The following SMPDL3A variants were observed in gnomAD, a reference collection of about 807,000 sequenced individuals.
SMPDL3A encodes sphingomyelin phosphodiesterase acid like 3A, also known as cyclic GMP-AMP phosphodiesterase SMPDL3A.
A neutral mutation model predicts 38.5 loss-of-function variants in SMPDL3A; 39 were observed. That is an observed-to-expected ratio of 1.01 (90% CI 0.78 to 1.32). The LOEUF is 1.32. SMPDL3A is among the 40% of genes most tolerant of loss of function. The probability of loss-of-function intolerance (pLI) is 0.00; values close to 1 mark genes in which losing one functional copy is unlikely to be tolerated. For missense variants in SMPDL3A, 502 were observed against 536.2 expected, an observed-to-expected ratio of 0.94 and a Z score of 0.63; for synonymous variants, 180 against 194.3, an observed-to-expected ratio of 0.93 and a Z score of 0.61.
chr6:122,796,776 CTCTTT>C, intron 2 of SMPDL3A, 43 bp from the exon 3 acceptor site: 1 of 1,556,872 alleles, frequency 6.4e-7, no homozygotes, highest in South Asian at 1.2e-5. Flanking sequence ...AGTCTAGTAA[CTCTTT>C]ATGAAACTGA....
intron 3 of SMPDL3A, among the ~76,000 whole-genome samples, chr6:122,797,565 C>A (rs1781292096): frequency 6.6e-6 from 1 of 152,142 alleles, no homozygotes; most frequent in Non-Finnish European, 1.5e-5. Flanking sequence ...TGAGAACCAA[C>A]CTGTGCATAA....
intron 1 of SMPDL3A, among the ~76,000 whole-genome samples, chr6:122,790,523 C>T (rs1781044703): frequency 6.6e-6 from 1 of 152,142 alleles, no homozygotes; most frequent in Non-Finnish European, 1.5e-5. Flanking sequence ...AGTGCTGAAA[C>T]CTCTTTCGCT....
intron 1 of SMPDL3A, among the ~76,000 whole-genome samples, chr6:122,794,906 C>G (rs1472775720): frequency 6.6e-6 from 1 of 152,182 alleles, no homozygotes. Context: ...GTTCTGCAGT[C>G]TACCTACTCA....
In SMPDL3A at chr6:122,806,369, G is replaced by C. The variant is rs1162265732; in HGVS notation, c.1044+12G>C. 1 of 1,598,150 alleles carries C rather than the reference G, an allele frequency of 6.3e-7. No individual in the cohort carries two copies. The highest frequency in any genetic ancestry group is 8.5e-7 in the Non-Finnish European group (1 of 1,170,610). ...ATTATAAATTATTGGTAAGTTGGCA[G>C]ATTTCAGAGCTGACCCCATATTTAT... is the stretch of plus-strand genomic sequence containing the variant. On this transcript the variant is annotated intron_variant, in intron 7 of 7. Coordinates refer to ENST00000368440, the MANE Select transcript of SMPDL3A (RefSeq NM_006714.5).
At chr6:122,791,965 T>C (rs1781092402) in intron 1 of SMPDL3A, among the ~76,000 whole-genome samples, 1 of 152,190 alleles carries the variant, frequency 6.6e-6, no homozygotes, top group African/African-American at 2.4e-5. Flanking sequence ...AGTGCTGGGA[T>C]TACAGGCATG....
chr6:122,803,982 TTC>T, intron 5 of SMPDL3A, 149 bp downstream of exon 5: 1 of 622,832 alleles, frequency 1.6e-6, no homozygotes, highest in Non-Finnish European at 2.6e-6. Context: ...TGGATTTTCT[TTC>T]TTTTTTTTTT....
At chr6:122,790,489 C>T (rs1302239005) in intron 1 of SMPDL3A, among the ~76,000 whole-genome samples, 1 of 152,120 alleles carries the variant, frequency 6.6e-6, no homozygotes, top group Admixed American at 6.5e-5. Flanking sequence ...GGAGAGTTGT[C>T]CCTGAGACTC....
Position 122,803,835 on chromosome 6 carries a change from T to C in SMPDL3A, c.738+2T>C, listed in dbSNP as rs1347407340. ...AACTCTCAGCAGAATAAGGAGAAGG[T>C]AGATCCCATAGACCAAAACCATCTG... On this transcript the variant is annotated splice_donor_variant, in intron 5 of 7. Transcript: ENST00000368440. LOFTEE classifies it high-confidence loss of function. 8 of 1,612,546 alleles carry C rather than the reference T, an allele frequency of 5.0e-6. No individual in the cohort carries two copies. The South Asian group carries it at 6.6e-5, about 13-fold the overall frequency.
chr6:122,803,858 C>T, intron 5 of SMPDL3A, 25 bp downstream of exon 5: 1 of 1,600,234 alleles, frequency 6.2e-7, no homozygotes, highest in Non-Finnish European at 8.5e-7. Flanking sequence ...CCAAAACCAT[C>T]TGGGAATAAA....
At chr6:122,795,964 A>G (rs1324628377) in intron 2 of SMPDL3A, 74 bp downstream of exon 2, 1 of 1,052,602 alleles carries the variant, frequency 9.5e-7, no homozygotes, top group East Asian at 2.4e-5. Flanking sequence ...AGAGTGCTGA[A>G]TTCCATAATA....
At chr6:122,791,958 G>A (rs887501250) in intron 1 of SMPDL3A, among the ~76,000 whole-genome samples, 15 of 152,296 alleles carry the variant, frequency 9.8e-5, no homozygotes, top group Admixed American at 8.5e-4. Context: ...CTCCCAAAGT[G>A]CTGGGATTAC....
At position 122,803,844 on chromosome 6, in the gene SMPDL3A, T is replaced by C. The variant is rs368369859; in HGVS notation, c.738+11T>C. On this transcript the variant is annotated intron_variant, in intron 5 of 7. Coordinates refer to ENST00000368440, the MANE Select transcript of SMPDL3A (RefSeq NM_006714.5). ...CAGAATAAGGAGAAGGTAGATCCCA[T>C]AGACCAAAACCATCTGGGAATAAAC... 17 of 1,611,564 alleles carry C rather than the reference T, an allele frequency of 1.1e-5. No homozygotes were observed. The East Asian group carries it at 2.9e-4, about 27-fold the overall frequency.
At chr6:122,789,526 C>T (rs1780991766) in intron 1 of SMPDL3A, 68 bp downstream of exon 1, 1 of 1,356,814 alleles carries the variant, frequency 7.4e-7, no homozygotes, top group East Asian at 2.5e-5. Flanking sequence ...CTGCGCACAG[C>T]AGGAGAAAGT....
At position 122,805,001 on chromosome 6, in the gene SMPDL3A, TA is replaced by T; in HGVS notation, c.832del (p.Ile278PhefsTer33). 3 of 1,613,512 alleles carry T rather than the reference TA, an allele frequency of 1.9e-6. No homozygotes were observed. In the South Asian group the frequency reaches 3.3e-5, roughly 18 times the overall value. Reference sequence around the variant, plus strand: ...AATACTATAATGAGAAATTGATAGATATTTTTCAAAAATACAGTGATGTCAT... The same window carrying T: ...AATACTATAATGAGAAATTGATAGATTTTTTCAAAAATACAGTGATGTCAT... ...REYYNEKLID[I>X]FQKYSDVIAG... On this transcript the variant is annotated frameshift_variant, in exon 6 of 8. Transcript: ENST00000368440. LOFTEE classifies it high-confidence loss of function.
intron 1 of SMPDL3A, among the ~76,000 whole-genome samples, chr6:122,794,388 G>T (rs945591717): frequency 2.0e-5 from 3 of 152,150 alleles, no homozygotes; most frequent in African/African-American, 4.8e-5. Flanking sequence ...ACGAGGTCAG[G>T]AAATCGAGAC....
intron 3 of SMPDL3A, among the ~76,000 whole-genome samples, chr6:122,799,606 A>G (rs1327490848): frequency 6.6e-6 from 1 of 152,214 alleles, no homozygotes; most frequent in Non-Finnish European, 1.5e-5. Context: ...ATCAGAATCT[A>G]GATTGGCCTA....
At chr6:122,792,373 A>G (rs1436874738) in intron 1 of SMPDL3A, among the ~76,000 whole-genome samples, 1 of 152,224 alleles carries the variant, frequency 6.6e-6, no homozygotes. Flanking sequence ...TCTTGAGGAT[A>G]TCATGAAATT....
At chr6:122,801,450 T>A (rs1191414419) in intron 4 of SMPDL3A, 44 bp downstream of exon 4, 1 of 1,341,438 alleles carries the variant, frequency 7.5e-7, no homozygotes, top group African/African-American at 1.4e-5. Context: ...TCAATTTTTA[T>A]TCATGTTATT....
At chr6:122,795,054 G>A (rs1019825847) in intron 1 of SMPDL3A, among the ~76,000 whole-genome samples, 2 of 152,138 alleles carry the variant, frequency 1.3e-5, no homozygotes, top group African/African-American at 2.4e-5. Context: ...TGGCCTCTCC[G>A]AAGGGTATTT....
Sources: gnomAD v4.1 joint callset for allele counts (sites outside exome capture counted in the v4.1 genomes callset) on GRCh38, gnomAD v4.1.1 for gene constraint, MANE v1.5 for transcripts, NCBI Gene and HGNC (gene_info 2026-07-23, HGNC 2026-07-21) for gene names.